The following ATPAF1 variants were observed in gnomAD, a reference collection of about 807,000 sequenced individuals.
ATPAF1 encodes ATP synthase mitochondrial F1 complex assembly factor 1, also known as homolog of yeast ATP11.
ATPAF1 carries 26 observed loss-of-function variants against 43.9 expected under a neutral mutation model. The observed-to-expected ratio is 0.59, with a 90% CI of 0.43 to 0.82. ATPAF1 has a LOEUF of 0.82. Ranked by LOEUF, ATPAF1 falls within the 40% of genes least tolerant of loss-of-function variation. ATPAF1 has a pLI of 0.00. For missense variants in ATPAF1, 366 were observed against 435.0 expected (o/e 0.84, Z 1.41); for synonymous variants, 157 against 168.0 (o/e 0.93, Z 0.50).
chr1:46,638,419 C>A (rs1018329787), intron 8 of ATPAF1, among the ~76,000 whole-genome samples: 4 of 152,108 alleles, frequency 2.6e-5, no homozygotes, highest in Non-Finnish European at 5.9e-5. Context: ...GAGATCGAGA[C>A]CATCCTGGCT....
intron 4 of ATPAF1, among the ~76,000 whole-genome samples, chr1:46,655,146 T>C (rs1047475362): frequency 6.6e-6 from 1 of 152,100 alleles, no homozygotes; most frequent in Non-Finnish European, 1.5e-5. Flanking sequence ...AGCATGGAGG[T>C]AACTGCCCCT....
chr1:46,658,146 G>GT lies in ATPAF1; in HGVS notation c.469dup (p.Thr157AsnfsTer29). ...CATTACCTGTTTTATTTCTTCTGCA[G>GT]TTTTTTCTTTTACCATCTCAATGTT... is the stretch of plus-strand genomic sequence containing the variant. On this transcript the variant is annotated frameshift_variant, in exon 4 of 9. Transcript: ENST00000574428. LOFTEE classifies it high-confidence loss of function. 4 of 1,610,026 alleles carry GT rather than the reference G, an allele frequency of 2.5e-6. No homozygotes were observed. Among genetic ancestry groups the GT allele is most frequent in the Non-Finnish European group, 3.4e-6 (4 of 1,178,426 alleles).
At chr1:46,663,740 C>T in intron 2 of ATPAF1, 1 of 675,750 alleles carries the variant, frequency 1.5e-6, no homozygotes, top group Non-Finnish European at 1.9e-6. Flanking sequence ...ATTCAGGATA[C>T]CCAAGGCAAA....
In ATPAF1 at chr1:46,638,798, C is replaced by CT. The variant is rs777456683; in HGVS notation, c.793-2829_793-2828insA. ...TTTCAACATGAAGCAACAGTCTCCT[C>CT]CTTTTCCAAGACCCAATAAGATAAA... On this transcript the variant is annotated intron_variant, in intron 8 of 8. Transcript: ENST00000574428. Among the ~76,000 whole-genome samples, 788 of 152,050 alleles carry CT rather than the reference C, an allele frequency of 5.2e-3. 3 individuals carry two copies. The highest frequency in any genetic ancestry group is 0.021 in the South Asian group (100 of 4,808).
chr1:46,650,073 A>G (rs1676135526), intron 6 of ATPAF1, among the ~76,000 whole-genome samples: 1 of 152,176 alleles, frequency 6.6e-6, no homozygotes, highest in African/African-American at 2.4e-5. Context: ...ACTGATACCA[A>G]GTTAGCTGGT....
chr1:46,653,789 C>T lies in ATPAF1; in HGVS notation c.540+28G>A, dbSNP rs371196515. 10 of 1,600,758 alleles carry T rather than the reference C, an allele frequency of 6.2e-6. No individual in the cohort carries two copies. The highest frequency in any genetic ancestry group is 8.5e-6 in the Non-Finnish European group (10 of 1,173,278). On this transcript the variant is annotated intron_variant, in intron 5 of 8. Transcript: ENST00000574428. The surrounding 1 kb of genome is among the most constrained non-coding windows in gnomAD (Gnocchi z 4.8). ...GAGAACTGACTTTCATGTTGTAACA[C>T]TTTCACTTTGCCCTCCAAACTACTT... is the stretch of plus-strand genomic sequence containing the variant.
chr1:46,661,950 A>G (rs554470706), intron 2 of ATPAF1, among the ~76,000 whole-genome samples: 1 of 147,158 alleles, frequency 6.8e-6, no homozygotes, highest in African/African-American at 2.5e-5. Flanking sequence ...GCTGGAGTGC[A>G]GTGGTGTGAT....
Position 46,653,767 on chromosome 1 carries a change from A to G in ATPAF1, c.540+50T>C. Reference sequence around the variant, plus strand: ...AGGCAACTGCCTGCTAAGGTTAGAGAACTGACTTTCATGTTGTAACACTTT... The same window carrying G: ...AGGCAACTGCCTGCTAAGGTTAGAGGACTGACTTTCATGTTGTAACACTTT... On this transcript the variant is annotated intron_variant, in intron 5 of 8. Coordinates refer to ENST00000574428, the Ensembl canonical transcript of ATPAF1. The surrounding 1 kb of genome is among the most constrained non-coding windows in gnomAD (Gnocchi z 4.8). 6.4e-7 allele frequency: 1 copy of G among 1,567,880 alleles called. No individual in the cohort carries two copies. The highest frequency in any genetic ancestry group is 8.7e-7 in the Non-Finnish European group (1 of 1,144,884).
intron 2 of ATPAF1, chr1:46,663,927 G>A (rs947991615): frequency 3.1e-6 from 4 of 1,277,470 alleles, no homozygotes; most frequent in Non-Finnish European, 4.1e-6. Context: ...CACCATCCTA[G>A]GTTAGAATTT....
chr1:46,658,694 T>C, exon 3 of ATPAF1: 2 of 1,600,762 alleles, frequency 1.2e-6, no homozygotes, highest in Non-Finnish European at 1.7e-6. Flanking sequence ...TACCTTGTCC[T>C]TAGTGAATCC....
At chr1:46,659,019 G>A (rs1314391587) in intron 2 of ATPAF1, among the ~76,000 whole-genome samples, 2 of 151,846 alleles carry the variant, frequency 1.3e-5, no homozygotes, top group East Asian at 1.9e-4. Flanking sequence ...GTGAAACCCC[G>A]TCTCTACTAA....
chr1:46,641,770 C>T (rs1675955188), intron 8 of ATPAF1, among the ~76,000 whole-genome samples: 1 of 152,160 alleles, frequency 6.6e-6, no homozygotes, highest in Non-Finnish European at 1.5e-5. Context: ...TACCTCATGG[C>T]CATTCCTTCT....
chr1:46,660,058 C>T (rs1676359014), intron 2 of ATPAF1, among the ~76,000 whole-genome samples: 2 of 151,614 alleles, frequency 1.3e-5, no homozygotes, highest in Admixed American at 1.3e-4. Flanking sequence ...CTCACTGCAA[C>T]CTCTGCCTCC....
rs1343989901 is a variant in ATPAF1 at position 46,653,565 on chromosome 1, T to C, written c.540+252A>G. Among the ~76,000 whole-genome samples, 1 of 152,096 alleles carries C rather than the reference T, an allele frequency of 6.6e-6. No individual in the cohort carries two copies. The highest frequency in any genetic ancestry group is 1.5e-5 in the Non-Finnish European group (1 of 68,024). On this transcript the variant is annotated intron_variant, in intron 5 of 8. Transcript: ENST00000574428. The surrounding 1 kb of genome is among the most constrained non-coding windows in gnomAD (Gnocchi z 4.8). ...GAAATTACTCAGCAACATGAACTTATACCACGCTCCCTTGTCAGAGACTTG... is the reference window on the plus strand; with the variant it reads ...GAAATTACTCAGCAACATGAACTTACACCACGCTCCCTTGTCAGAGACTTG...
intron 6 of ATPAF1, among the ~76,000 whole-genome samples, chr1:46,651,479 T>C (rs557111201): frequency 1.4e-4 from 22 of 152,322 alleles, no homozygotes; most frequent in African/African-American, 5.1e-4. Context: ...TGTGTCTTTA[T>C]AGCAGCATGA....
intron 4 of ATPAF1, among the ~76,000 whole-genome samples, chr1:46,657,154 G>T (rs753060808): frequency 6.6e-6 from 1 of 152,144 alleles, no homozygotes. Flanking sequence ...ACTTCACGGG[G>T]TGGTTAAGAG....
intron 2 of ATPAF1, chr1:46,663,786 T>G: frequency 9.1e-7 from 1 of 1,098,366 alleles, no homozygotes; most frequent in Non-Finnish European, 1.1e-6. Flanking sequence ...CACCTCTAAT[T>G]TGACTTTAAA....
chr1:46,658,089 A>G, intron 4 of ATPAF1, 38 bp downstream of exon 4: 2 of 1,582,530 alleles, frequency 1.3e-6, no homozygotes, highest in African/African-American at 1.4e-5. Context: ...CAGAATTCAC[A>G]TTTTCATAGA....
At chr1:46,638,523 G>A (rs1224413575) in intron 8 of ATPAF1, among the ~76,000 whole-genome samples, 1 of 151,948 alleles carries the variant, frequency 6.6e-6, no homozygotes, top group Non-Finnish European at 1.5e-5. Flanking sequence ...TCGGGAGGCT[G>A]AGGCAGGAGA....
Sources: allele counts gnomAD v4.1 joint callset (sites outside exome capture counted in the v4.1 genomes callset), GRCh38; gene constraint gnomAD v4.1.1; non-coding constraint Gnocchi (gnomAD v3.1); transcripts MANE v1.5; gene names NCBI Gene and HGNC (gene_info 2026-07-23, HGNC 2026-07-21).